RTL4: variants seen among roughly 807,000 people sequenced by gnomAD.
RTL4 encodes the protein retrotransposon Gag-like protein 4.
A neutral mutation model predicts 5.3 loss-of-function variants in RTL4; 4 were observed. The ratio of observed to expected loss-of-function variants is 0.75; its 90% confidence interval spans 0.37 to 1.72. The LOEUF is 1.72. RTL4 is among the 40% of genes most tolerant of loss of function. The probability of loss-of-function intolerance (pLI) is 0.04; values close to 1 mark genes in which losing one functional copy is unlikely to be tolerated. For synonymous variants in RTL4, 98 were observed against 87.3 expected (o/e 1.12, Z -0.68); for missense variants, 260 against 227.1 (o/e 1.14, Z -0.93).
chrX:112,369,485 G>T, the RTL4 span, among the ~76,000 whole-genome samples: 1 of 110,915 alleles, frequency 9.0e-6, no homozygotes, highest in Non-Finnish European at 1.9e-5. Flanking sequence ...CTTACCTCAG[G>T]TCTTCACAGC....
At chrX:112,373,468 ATTGATT>A in the RTL4 span, among the ~76,000 whole-genome samples, 5 of 110,807 alleles carry the variant, frequency 4.5e-5, no homozygotes, top group Non-Finnish European at 9.5e-5. Context: ...TCTTTTTCAT[ATTGATT>A]TGCAGGAATT....
the RTL4 span, among the ~76,000 whole-genome samples, chrX:112,093,446 C>T: frequency 9.0e-6 from 1 of 111,349 alleles, no homozygotes; most frequent in Non-Finnish European, 1.9e-5. Flanking sequence ...GACCAGCCAA[C>T]ATTCATTGTT....
At chrX:112,374,036 T>A in the RTL4 span, among the ~76,000 whole-genome samples, 1 of 111,417 alleles carries the variant, frequency 9.0e-6, no homozygotes, top group African/African-American at 3.3e-5. Flanking sequence ...AGGAAATTTA[T>A]CAATCATTTC....
chrX:112,112,301 G>A, the RTL4 span, among the ~76,000 whole-genome samples: 8,218 of 111,424 alleles, frequency 0.074, 553 homozygotes, highest in African/African-American at 0.21. Context: ...CTTGCTTTAA[G>A]GTTTTGAAGG....
chrX:112,089,095 C>CT, the RTL4 span, among the ~76,000 whole-genome samples: 1 of 110,305 alleles, frequency 9.1e-6, no homozygotes, highest in Non-Finnish European at 1.9e-5. Context: ...ATCTGTTTTT[C>CT]TTTTTTTTAT....
chrX:112,425,287 A>G, the RTL4 span, among the ~76,000 whole-genome samples: 1 of 111,611 alleles, frequency 9.0e-6, no homozygotes, highest in Admixed American at 9.5e-5. Context: ...GCTGAATAAT[A>G]TTACATTATC....
the RTL4 span, among the ~76,000 whole-genome samples, chrX:112,114,527 G>A: frequency 8.9e-6 from 1 of 111,829 alleles, no homozygotes; most frequent in South Asian, 3.8e-4. Flanking sequence ...AGGATTGTCT[G>A]AAAACTTCCC....
the RTL4 span, among the ~76,000 whole-genome samples, chrX:112,239,235 G>T: frequency 3.6e-5 from 4 of 111,371 alleles, no homozygotes; most frequent in Non-Finnish European, 7.5e-5. Context: ...CTCCTACCTG[G>T]CAGGGGCAGG....
At chrX:112,216,381 A>G in the RTL4 span, among the ~76,000 whole-genome samples, 2 of 111,981 alleles carry the variant, frequency 1.8e-5, no homozygotes, top group Non-Finnish European at 3.8e-5. Context: ...TATAATCACC[A>G]TACTCCTAAC....
the RTL4 span, among the ~76,000 whole-genome samples, chrX:112,144,183 T>TA: frequency 1.4e-4 from 15 of 110,940 alleles, no homozygotes; most frequent in African/African-American, 3.3e-4. Flanking sequence ...GTGGGATCCC[T>TA]AAAAAAAACA....
chrX:112,419,502 G>A, the RTL4 span, among the ~76,000 whole-genome samples: 1 of 36,384 alleles, frequency 2.7e-5, no homozygotes, highest in African/African-American at 6.5e-5. Flanking sequence ...TGGGAATACA[G>A]GCATGCATCA....
At chrX:112,088,968 T>G in the RTL4 span, among the ~76,000 whole-genome samples, 1 of 112,215 alleles carries the variant, frequency 8.9e-6, no homozygotes, top group Admixed American at 9.4e-5. Context: ...AACTAGTCCC[T>G]TATCCAATAT....
At chrX:112,436,116 T>C in the RTL4 span, among the ~76,000 whole-genome samples, 56 of 109,735 alleles carry the variant, frequency 5.1e-4, 1 homozygote, top group African/African-American at 1.7e-3. Context: ...ACTCAGGAGG[T>C]GGAGGCAGTA....
At chrX:112,356,357 C>A in the RTL4 span, among the ~76,000 whole-genome samples, 1 of 111,376 alleles carries the variant, frequency 9.0e-6, no homozygotes, top group Non-Finnish European at 1.9e-5. Flanking sequence ...TTGTAATGCA[C>A]TTTCCTCATC....
chrX:112,283,995 C>CTATT, the RTL4 span, among the ~76,000 whole-genome samples: 4 of 109,299 alleles, frequency 3.7e-5, no homozygotes, highest in Non-Finnish European at 7.6e-5. Flanking sequence ...TTTGTTTTAT[C>CTATT]TATTTATTTA....
At chrX:112,343,089 A>C in the RTL4 span, among the ~76,000 whole-genome samples, 2 of 111,764 alleles carry the variant, frequency 1.8e-5, no homozygotes, top group African/African-American at 6.5e-5. Context: ...CAGCGTGAGA[A>C]ACAGAGTGAG....
the RTL4 span, among the ~76,000 whole-genome samples, chrX:112,172,470 C>T: frequency 1.8e-5 from 2 of 111,476 alleles, no homozygotes; most frequent in East Asian, 2.8e-4. Flanking sequence ...TCATGCCACT[C>T]AGAATGGTGA....
chrX:112,314,220 C>T, the RTL4 span, among the ~76,000 whole-genome samples: 1 of 111,761 alleles, frequency 8.9e-6, no homozygotes, highest in African/African-American at 3.2e-5. Flanking sequence ...AATTCTAAAA[C>T]CCACCGTTCA....
chrX:112,203,718 T>C, the RTL4 span, among the ~76,000 whole-genome samples: 6 of 111,863 alleles, frequency 5.4e-5, no homozygotes, highest in African/African-American at 9.7e-5. Flanking sequence ...TCTTCTTTGT[T>C]GAGGTTATTT....
Sources: gnomAD v4.1 joint callset for allele counts (sites outside exome capture counted in the v4.1 genomes callset) on GRCh38, gnomAD v4.1.1 for gene constraint, MANE v1.5 for transcripts, NCBI Gene and HGNC (gene_info 2026-07-23, HGNC 2026-07-21) for gene names.